THSD4: variants seen among roughly 807,000 people sequenced by gnomAD.
THSD4 encodes the protein thrombospondin type-1 domain-containing protein 4.
Under a neutral mutation model 119.0 loss-of-function variants are expected in THSD4, and 69 were observed. That is an observed-to-expected ratio of 0.58 (90% CI 0.48 to 0.71). The LOEUF (loss-of-function observed/expected upper bound fraction) is 0.71, where lower values mean the gene tolerates loss of function less well. Among genes scored for constraint, THSD4 ranks in the 30% least tolerant of loss-of-function variants. The pLI is 0.00. For missense variants in THSD4, 1,393 were observed against 1,391.1 expected (o/e 1.00, Z -0.02); for synonymous variants, 524 against 540.4 (o/e 0.97, Z 0.42).
chr15:71,694,713 A>T (rs1049031286), intron 8 of THSD4, among the ~76,000 whole-genome samples: 5 of 152,152 alleles, frequency 3.3e-5, no homozygotes, highest in African/African-American at 1.2e-4. Flanking sequence ...ACTGAACTGA[A>T]ATTTTCAGGA....
chr15:71,105,359 A>T (rs746462327), intron 1 of THSD4, among the ~76,000 whole-genome samples: 14 of 152,234 alleles, frequency 9.2e-5, no homozygotes, highest in Non-Finnish European at 1.9e-4. Flanking sequence ...GGTCCAAAGC[A>T]TAGGAGCTTT....
chr15:71,417,286 G>A lies in THSD4; in HGVS notation c.1152+5463G>A, dbSNP rs986287131. 3.7e-5 allele frequency among the ~76,000 whole-genome samples: 4 copies of A among 107,596 alleles called. 2 individuals carry two copies. The South Asian group carries it at 1.2e-3, about 32-fold the overall frequency. 70.6% of individuals were successfully genotyped at this position (107,596 alleles called of 152,430 possible). A position where few individuals can be genotyped will look rare whatever the true frequency, so the allele number is the denominator to read the frequency against. On this transcript the variant is annotated intron_variant, in intron 7 of 17. Transcript: ENST00000261862. Reference sequence around the variant, plus strand: ...TGCTTTGGTTGCCTGTGTTTGTGGGGTATTACTCAAGAAATCTCTGCCCAG... The same window carrying A: ...TGCTTTGGTTGCCTGTGTTTGTGGGATATTACTCAAGAAATCTCTGCCCAG...
At chr15:71,522,218 T>A (rs2048451327) in intron 7 of THSD4, among the ~76,000 whole-genome samples, 1 of 152,220 alleles carries the variant, frequency 6.6e-6, no homozygotes, top group South Asian at 2.1e-4. Context: ...CAGGGCACTT[T>A]CTTCTGTCTA....
At chr15:71,728,780 G>A (rs1164422736) in intron 9 of THSD4, 56 bp downstream of exon 9, 3 of 1,595,498 alleles carry the variant, frequency 1.9e-6, no homozygotes, top group Non-Finnish European at 2.6e-6. Context: ...TCACTTCTAA[G>A]GAACATACTC....
intron 7 of THSD4, among the ~76,000 whole-genome samples, chr15:71,586,212 A>G (rs1285039254): frequency 6.6e-6 from 1 of 152,164 alleles, no homozygotes; most frequent in Non-Finnish European, 1.5e-5. Context: ...TCTGGCAGAT[A>G]AAGACTTTCT....
intron 16 of THSD4, among the ~76,000 whole-genome samples, chr15:71,769,906 T>A: frequency 4.2e-5 from 2 of 47,310 alleles, no homozygotes; most frequent in African/African-American, 1.2e-4. Context: ...CACCCAAGAA[T>A]TATCAATAAA....
intron 8 of THSD4, among the ~76,000 whole-genome samples, chr15:71,691,865 G>T (rs563365937): frequency 2.6e-5 from 4 of 152,198 alleles, no homozygotes; most frequent in Non-Finnish European, 5.9e-5. Flanking sequence ...ATACATGAGA[G>T]ATTGGCATAG....
chr15:71,273,094 T>C (rs1415610921), intron 6 of THSD4, among the ~76,000 whole-genome samples: 1 of 152,204 alleles, frequency 6.6e-6, no homozygotes, highest in Non-Finnish European at 1.5e-5. Context: ...GTCTGCACTT[T>C]CATGTTCACT....
At chr15:71,520,387 A>T (rs550701020) in intron 7 of THSD4, among the ~76,000 whole-genome samples, 2 of 152,184 alleles carry the variant, frequency 1.3e-5, no homozygotes, top group African/African-American at 4.8e-5. Context: ...GACTGGAAGC[A>T]TGGAGCCTAG....
At chr15:71,283,645 CATT>C (rs1426997732) in intron 6 of THSD4, among the ~76,000 whole-genome samples, 2 of 152,116 alleles carry the variant, frequency 1.3e-5, no homozygotes, top group African/African-American at 4.8e-5. Context: ...AGACAAAGGA[CATT>C]ATTAAGTTTA....
intron 7 of THSD4, among the ~76,000 whole-genome samples, chr15:71,548,481 G>A (rs1164958709): frequency 6.6e-6 from 1 of 152,202 alleles, no homozygotes; most frequent in Non-Finnish European, 1.5e-5. Flanking sequence ...GTGCTCCCAA[G>A]CCCACGGCTG....
intron 8 of THSD4, among the ~76,000 whole-genome samples, chr15:71,728,089 C>A (rs1004472395): frequency 6.6e-6 from 1 of 152,010 alleles, no homozygotes; most frequent in Admixed American, 6.6e-5. Context: ...TATTTCAATT[C>A]TTAAATTTGG....
intron 6 of THSD4, among the ~76,000 whole-genome samples, chr15:71,287,941 A>AT (rs1567182418): frequency 6.6e-6 from 1 of 152,068 alleles, no homozygotes; most frequent in Admixed American, 6.6e-5. Context: ...AATTTGGGAA[A>AT]TTTTTTTGAG....
intron 6 of THSD4, among the ~76,000 whole-genome samples, chr15:71,354,146 T>A (rs1052091359): frequency 6.6e-6 from 1 of 152,096 alleles, no homozygotes; most frequent in African/African-American, 2.4e-5. Context: ...GGTTTAAAAA[T>A]TTAGCCAGAT....
chr15:71,490,210 A>C (rs2140694972), intron 7 of THSD4, among the ~76,000 whole-genome samples: 2 of 151,780 alleles, frequency 1.3e-5, no homozygotes, highest in Admixed American at 1.3e-4. Context: ...GGATCACCTG[A>C]GGTCAGGAGT....
chr15:71,616,116 T>G (rs2050314772), intron 7 of THSD4, among the ~76,000 whole-genome samples: 1 of 151,854 alleles, frequency 6.6e-6, no homozygotes, highest in African/African-American at 2.4e-5. Flanking sequence ...AAATGGAAGG[T>G]GGGTATAATT....
intron 7 of THSD4, among the ~76,000 whole-genome samples, chr15:71,603,726 T>A (rs1595777710): frequency 1.3e-5 from 2 of 152,128 alleles, no homozygotes; most frequent in Admixed American, 6.5e-5. Context: ...TGGCTTGAAA[T>A]GCCTCTCCCT....
intron 7 of THSD4, among the ~76,000 whole-genome samples, chr15:71,592,979 G>A (rs1172607221): frequency 1.3e-5 from 2 of 152,152 alleles, no homozygotes; most frequent in Non-Finnish European, 1.5e-5. Flanking sequence ...ACTTTTCCAA[G>A]GGTATGCACC....
intron 6 of THSD4, among the ~76,000 whole-genome samples, chr15:71,342,000 C>G (rs1278561036): frequency 6.6e-6 from 1 of 152,068 alleles, no homozygotes; most frequent in Non-Finnish European, 1.5e-5. Context: ...AGAGGATTAA[C>G]TCTTGTTAAC....
Sources: allele counts gnomAD v4.1 joint callset (sites outside exome capture counted in the v4.1 genomes callset), GRCh38; gene constraint gnomAD v4.1.1; transcripts MANE v1.5; gene names NCBI Gene and HGNC (gene_info 2026-07-23, HGNC 2026-07-21).